The following CPNE8 variants were observed in gnomAD, a reference collection of about 807,000 sequenced individuals.
The protein encoded by CPNE8 is copine 8, also known as copine-8.
Under a neutral mutation model 81.5 loss-of-function variants are expected in CPNE8, and 45 were observed. The observed-to-expected ratio is 0.55, with a 90% CI of 0.44 to 0.71. The LOEUF (loss-of-function observed/expected upper bound fraction) is 0.71. Among genes scored for constraint, CPNE8 ranks in the 30% least tolerant of loss-of-function variants. The pLI is 0.00. For synonymous variants in CPNE8, 252 were observed against 226.3 expected (o/e 1.11, Z -1.02); for missense variants, 594 against 672.1 (o/e 0.88, Z 1.28).
At chr12:38,724,301 C>T (rs1454005042) in intron 12 of CPNE8, among the ~76,000 whole-genome samples, 1 of 152,036 alleles carries the variant, frequency 6.6e-6, no homozygotes, top group African/African-American at 2.4e-5. Context: ...TTTTGCTACT[C>T]CCCAAAAAAG....
intron 6 of CPNE8, among the ~76,000 whole-genome samples, chr12:38,820,755 G>A (rs1003453602): frequency 1.3e-5 from 2 of 152,172 alleles, no homozygotes; most frequent in African/African-American, 4.8e-5. Flanking sequence ...TCTTGCAAAT[G>A]TTGAAACTCT....
At chr12:38,770,770 T>C (rs541206497) in intron 7 of CPNE8, among the ~76,000 whole-genome samples, 2 of 152,294 alleles carry the variant, frequency 1.3e-5, no homozygotes, top group East Asian at 1.9e-4. Flanking sequence ...TCTGCTGGAA[T>C]TCTTATCCTT....
intron 13 of CPNE8, among the ~76,000 whole-genome samples, chr12:38,713,282 A>G (rs1465696988): frequency 1.3e-5 from 2 of 152,070 alleles, no homozygotes; most frequent in Non-Finnish European, 2.9e-5. Context: ...TGTCTCTCCT[A>G]TTACCTTCTC....
chr12:38,839,885 A>G (rs1316974618), intron 5 of CPNE8, 31 bp downstream of exon 5: 1 of 1,526,450 alleles, frequency 6.6e-7, no homozygotes, highest in Non-Finnish European at 8.9e-7. Context: ...TTGTATTATA[A>G]TGTTATAAAA....
At chr12:38,851,283 T>C (rs1055781973) in intron 3 of CPNE8, among the ~76,000 whole-genome samples, 1 of 152,234 alleles carries the variant, frequency 6.6e-6, no homozygotes, top group Non-Finnish European at 1.5e-5. Context: ...TATTCATGCA[T>C]ACAACTGCTT....
At chr12:38,765,155 C>T (rs1941661911) in intron 8 of CPNE8, among the ~76,000 whole-genome samples, 1 of 152,092 alleles carries the variant, frequency 6.6e-6, no homozygotes, top group Non-Finnish European at 1.5e-5. Flanking sequence ...TATTAGATAT[C>T]ATATATATAG....
chr12:38,811,452 T>C (rs1265953221), intron 6 of CPNE8, among the ~76,000 whole-genome samples: 3 of 152,164 alleles, frequency 2.0e-5, no homozygotes, highest in Non-Finnish European at 4.4e-5. Flanking sequence ...TCACAAATTA[T>C]TTTAAGCAAA....
intron 5 of CPNE8, among the ~76,000 whole-genome samples, chr12:38,833,343 CCT>C: frequency 7.6e-6 from 1 of 132,004 alleles, no homozygotes. Flanking sequence ...CAGAGTGAGA[CCT>C]TATCTCAAAA....
chr12:38,851,414 C>T (rs1408328561), intron 3 of CPNE8, among the ~76,000 whole-genome samples: 2 of 152,306 alleles, frequency 1.3e-5, no homozygotes, highest in East Asian at 1.9e-4. Flanking sequence ...TACTTCTTGT[C>T]AATAAATGTT....
At chr12:38,878,085 AC>A (rs1346726054) in intron 1 of CPNE8, among the ~76,000 whole-genome samples, 2 of 152,200 alleles carry the variant, frequency 1.3e-5, no homozygotes, top group Non-Finnish European at 2.9e-5. Flanking sequence ...ATCAGGAAGT[AC>A]CCTATATGTT....
chr12:38,776,239 C>CTGCAACAGT lies in CPNE8; in HGVS notation c.461_469dup (p.Asn154_Cys156dup). On this transcript the variant is annotated inframe_insertion and splice_region_variant, in exon 7 of 20. Coordinates refer to ENST00000331366, the MANE Select transcript of CPNE8 (RefSeq NM_153634.3). ...TAAACCAAAGAAATATTTACTTACC[C>CTGCAACAGT]TGCAACAGTTTAATTCCTCTGCTGT... is the stretch of plus-strand genomic sequence containing the variant. 1 of 1,533,070 alleles carries CTGCAACAGT rather than the reference C, an allele frequency of 6.5e-7. No individual in the cohort carries two copies. Among genetic ancestry groups the CTGCAACAGT allele is most frequent in the Non-Finnish European group, 8.9e-7 (1 of 1,126,630 alleles). 95.0% of individuals were successfully genotyped at this position (1,533,070 alleles called of 1,614,324 possible). A position where few individuals can be genotyped will look rare whatever the true frequency, so the allele number is the denominator to read the frequency against.
chr12:38,905,399 T>TGA, intron 1 of CPNE8, 38 bp downstream of exon 1: 1 of 1,544,812 alleles, frequency 6.5e-7, no homozygotes, highest in South Asian at 1.2e-5. Flanking sequence ...ACCCCACAGA[T>TGA]GAGAGGGCAG....
At chr12:38,720,958 C>T (rs1017492213) in intron 13 of CPNE8, 2 of 152,634 alleles carry the variant, frequency 1.3e-5, no homozygotes, top group African/African-American at 4.8e-5. Context: ...GCTGCAAGCT[C>T]AGGCATCCCT....
intron 1 of CPNE8, among the ~76,000 whole-genome samples, chr12:38,904,156 G>A (rs1944528753): frequency 6.6e-6 from 1 of 152,086 alleles, no homozygotes; most frequent in African/African-American, 2.4e-5. Flanking sequence ...TATCTTCAAG[G>A]CAAGTTTGCT....
intron 6 of CPNE8, among the ~76,000 whole-genome samples, chr12:38,814,683 T>C (rs563590436): frequency 6.6e-6 from 1 of 152,216 alleles, no homozygotes; most frequent in African/African-American, 2.4e-5. Flanking sequence ...TGACTAAATA[T>C]CCATTTACAG....
chr12:38,725,327 C>G (rs900231747), intron 11 of CPNE8, among the ~76,000 whole-genome samples: 1 of 152,168 alleles, frequency 6.6e-6, no homozygotes, highest in East Asian at 1.9e-4. Flanking sequence ...ATTGACCTCA[C>G]TATTGCTTTA....
chr12:38,662,411 C>CA (rs771904811), intron 19 of CPNE8, among the ~76,000 whole-genome samples: 115 of 151,624 alleles, frequency 7.6e-4, no homozygotes, highest in Non-Finnish European at 1.2e-3. Context: ...TTATAATAGC[C>CA]AAAAAAACTA....
In CPNE8 at chr12:38,767,631, C is replaced by T; in HGVS notation, c.575+4G>A. On this transcript the variant is annotated splice_donor_region_variant and intron_variant, in intron 8 of 19. Transcript: ENST00000331366. The stretch of plus-strand genomic sequence containing the variant: ...TAGTTGAAATGCATAAAAGATAAAT[C>T]TACCTGCCATCTTCATTACTTCGAT... 6.6e-7 allele frequency: 1 copy of T among 1,516,698 alleles called. No individual in the cohort carries two copies. The highest frequency in any genetic ancestry group is 8.9e-7 in the Non-Finnish European group (1 of 1,128,154). The allele number at this position is 1,516,698 out of a possible 1,614,324, so 94.0% of individuals were successfully genotyped here.
chr12:38,763,233 G>A (rs954566227), intron 8 of CPNE8, among the ~76,000 whole-genome samples: 16 of 152,200 alleles, frequency 1.1e-4, no homozygotes, highest in Admixed American at 6.5e-5. Flanking sequence ...TGAGAGGCCA[G>A]ACAGTCATTC....
Sources: gnomAD v4.1 joint callset for allele counts (sites outside exome capture counted in the v4.1 genomes callset) on GRCh38, gnomAD v4.1.1 for gene constraint, MANE v1.5 for transcripts, NCBI Gene and HGNC (gene_info 2026-07-23, HGNC 2026-07-21) for gene names.